LRRC7: variants seen among roughly 807,000 people sequenced by gnomAD.
LRRC7 encodes leucine rich repeat containing 7.
Under a neutral mutation model 175.7 loss-of-function variants are expected in LRRC7, and 23 were observed. That is an observed-to-expected ratio of 0.13 (90% CI 0.09 to 0.19). LRRC7 has a LOEUF of 0.19. Among genes scored for constraint, LRRC7 ranks in the 10% least tolerant of loss-of-function variants. The pLI, the probability that LRRC7 is intolerant of heterozygous loss-of-function variation, is 1.00. For missense variants in LRRC7, 1,354 were observed against 1,904.7 expected (o/e 0.71, Z 5.38); for synonymous variants, 685 against 680.9 (o/e 1.01, Z -0.09).
chr1:69,904,442 A>G (rs943885712), intron 7 of LRRC7, among the ~76,000 whole-genome samples: 1 of 152,192 alleles, frequency 6.6e-6, no homozygotes, highest in African/African-American at 2.4e-5. Context: ...TCTGATATCC[A>G]CAGAATAATT....
At chr1:69,611,645 T>A (rs1380041559) in intron 1 of LRRC7, among the ~76,000 whole-genome samples, 17 of 152,200 alleles carry the variant, frequency 1.1e-4, no homozygotes, top group Non-Finnish European at 2.9e-5. Context: ...CATGCCTGAA[T>A]CAAGCTTACC....
At chr1:69,613,675 C>G (rs1403343824) in intron 1 of LRRC7, among the ~76,000 whole-genome samples, 1 of 151,910 alleles carries the variant, frequency 6.6e-6, no homozygotes, top group African/African-American at 2.4e-5. Context: ...ACAGTGGGAA[C>G]ATTTGATTTG....
At chr1:69,709,700 G>A (rs1384773004) in intron 2 of LRRC7, among the ~76,000 whole-genome samples, 1 of 152,172 alleles carries the variant, frequency 6.6e-6, no homozygotes, top group South Asian at 2.1e-4. Flanking sequence ...ATAGAGAGTT[G>A]TGTTATAGGA....
intron 2 of LRRC7, among the ~76,000 whole-genome samples, chr1:69,708,610 A>C (rs1664330963): frequency 6.6e-6 from 1 of 152,180 alleles, no homozygotes; most frequent in African/African-American, 2.4e-5. Flanking sequence ...ACATCTATTT[A>C]GGCCAAATGT....
chr1:69,639,668 A>G (rs1042728859), intron 1 of LRRC7, among the ~76,000 whole-genome samples: 3 of 151,808 alleles, frequency 2.0e-5, no homozygotes, highest in African/African-American at 7.2e-5. Context: ...CCAGGAAACC[A>G]AGTCACTTAC....
intron 8 of LRRC7, among the ~76,000 whole-genome samples, chr1:69,948,801 G>A (rs1008040158): frequency 1.3e-5 from 2 of 152,170 alleles, no homozygotes; most frequent in East Asian, 1.9e-4. Flanking sequence ...ACAGCAAGAC[G>A]TGGATGAAGA....
intron 3 of LRRC7, among the ~76,000 whole-genome samples, chr1:69,770,186 A>G (rs1394615418): frequency 6.6e-6 from 1 of 152,218 alleles, no homozygotes; most frequent in Non-Finnish European, 1.5e-5. Context: ...ATTAAAAGGA[A>G]GATCAAGGTT....
In LRRC7 at chr1:70,038,310, G is replaced by A. The variant is rs1393055389; in HGVS notation, c.2486G>A (p.Ser829Asn). Residue 829 changes from serine to asparagine, a missense_variant, in exon 21 of 27, where the codon AGT (serine) becomes AAT (asparagine). Coordinates refer to ENST00000651989, the MANE Select transcript of LRRC7 (RefSeq NM_001370785.2). Reference protein sequence around the residue: ...AEETTAENANSNPLLSSKSRS... With the variant: ...AEETTAENANNNPLLSSKSRS... ...GAAACCACAGCCGAGAATGCCAACAGTAATCCTCTCTTAAGTTCGAAATCT... is the reference window on the plus strand; with the variant it reads ...GAAACCACAGCCGAGAATGCCAACAATAATCCTCTCTTAAGTTCGAAATCT... 1 of 1,614,140 alleles carries A rather than the reference G, an allele frequency of 6.2e-7. No homozygotes were observed. The highest frequency in any genetic ancestry group is 1.7e-5 in the Admixed American group (1 of 60,028).
intron 1 of LRRC7, among the ~76,000 whole-genome samples, chr1:69,627,220 T>A (rs1225173015): frequency 6.6e-6 from 1 of 152,146 alleles, no homozygotes; most frequent in Admixed American, 6.6e-5. Context: ...TTTCTCCACA[T>A]CCTCTCCAGC....
chr1:69,858,464 A>G (rs1683978763), intron 7 of LRRC7, among the ~76,000 whole-genome samples: 1 of 152,152 alleles, frequency 6.6e-6, no homozygotes, highest in Admixed American at 6.6e-5. Context: ...AATAATAAAA[A>G]AAAATCCACA....
At chr1:69,609,046 A>T (rs1048176525) in intron 1 of LRRC7, among the ~76,000 whole-genome samples, 2 of 151,684 alleles carry the variant, frequency 1.3e-5, no homozygotes, top group East Asian at 3.9e-4. Context: ...TGTCCAGATA[A>T]TGGGATATTT....
At chr1:70,024,701 A>G (rs1175043809) in intron 17 of LRRC7, among the ~76,000 whole-genome samples, 1 of 152,044 alleles carries the variant, frequency 6.6e-6, no homozygotes, top group Non-Finnish European at 1.5e-5. Flanking sequence ...ATATTTAGAT[A>G]TATACAGAAA....
At chr1:69,883,608 C>G (rs1686867334) in intron 7 of LRRC7, among the ~76,000 whole-genome samples, 1 of 99,878 alleles carries the variant, frequency 1.0e-5, no homozygotes, top group Non-Finnish European at 2.1e-5. Flanking sequence ...TGCAAAAGCT[C>G]TTTAGTTTAA....
rs573058805 is a variant in LRRC7, at chr1:69,921,344, C to T, written c.648-10163C>T. On this transcript the variant is annotated intron_variant, in intron 7 of 26. Transcript: ENST00000651989. ...CTCCAGACACACACATACACACACA[C>T]AAACACACACACACACTTTTTCCTA... Among the ~76,000 whole-genome samples the T allele has an allele frequency of 2.6e-5, 4 of 152,192 alleles. No homozygotes were observed. The South Asian group carries it at 6.2e-4, about 24-fold the overall frequency.
intron 3 of LRRC7, among the ~76,000 whole-genome samples, chr1:69,763,379 A>T (rs994825535): frequency 6.6e-6 from 1 of 152,114 alleles, no homozygotes; most frequent in Non-Finnish European, 1.5e-5. Flanking sequence ...TCTTTCTGAG[A>T]AGGACAAAAT....
At chr1:70,027,487 T>C (rs1355022421) in intron 17 of LRRC7, among the ~76,000 whole-genome samples, 1 of 152,150 alleles carries the variant, frequency 6.6e-6, no homozygotes, top group Non-Finnish European at 1.5e-5. Flanking sequence ...TAAAATATCT[T>C]AGAAAGTGGT....
chr1:69,615,251 C>T (rs989625605), intron 1 of LRRC7, among the ~76,000 whole-genome samples: 1 of 151,968 alleles, frequency 6.6e-6, no homozygotes, highest in Non-Finnish European at 1.5e-5. Flanking sequence ...TCCCTTTCCT[C>T]GTAATAAGAT....
At chr1:69,931,221 A>G (rs1366957948) in intron 7 of LRRC7, among the ~76,000 whole-genome samples, 2 of 151,892 alleles carry the variant, frequency 1.3e-5, no homozygotes, top group Non-Finnish European at 2.9e-5. Flanking sequence ...GTGGGGCCCC[A>G]CCCTACACCT....
At chr1:69,963,748 G>A (rs1424413094) in intron 8 of LRRC7, among the ~76,000 whole-genome samples, 1 of 152,174 alleles carries the variant, frequency 6.6e-6, no homozygotes, top group Non-Finnish European at 1.5e-5. Context: ...GGTATAGGTG[G>A]AGGGTAATGC....
Sources: allele counts gnomAD v4.1 joint callset (sites outside exome capture counted in the v4.1 genomes callset), GRCh38; gene constraint gnomAD v4.1.1; transcripts MANE v1.5; gene names NCBI Gene and HGNC (gene_info 2026-07-23, HGNC 2026-07-21).